Variants in PIGL observed in about 807,000 individuals in gnomAD.
The protein encoded by PIGL is phosphatidylinositol glycan anchor biosynthesis class L.
PIGL carries 22 observed loss-of-function variants against 31.1 expected under a neutral mutation model. That is an observed-to-expected ratio of 0.71 (90% CI 0.51 to 1.01). PIGL has a LOEUF of 1.01. Among genes scored for constraint, PIGL ranks in the 50% least tolerant of loss-of-function variants. PIGL has a pLI of 0.00. For synonymous variants in PIGL, 131 were observed against 117.4 expected, an observed-to-expected ratio of 1.12 and a Z score of -0.75; for missense variants, 302 against 315.9, an observed-to-expected ratio of 0.96 and a Z score of 0.33.
intron 6 of PIGL, among the ~76,000 whole-genome samples, chr17:16,325,501 G>A (rs915083906): frequency 3.3e-5 from 5 of 152,064 alleles, no homozygotes; most frequent in African/African-American, 1.2e-4. Context: ...TCACAGGGTT[G>A]TTAACATTGA....
intron 4 of PIGL, 80 bp from the exon 5 acceptor site, chr17:16,316,601 C>G: frequency 7.1e-7 from 1 of 1,410,534 alleles, no homozygotes; most frequent in Non-Finnish European, 9.7e-7. Context: ...GCATGGCAGC[C>G]TTTCCTCTGA....
intron 3 of PIGL, among the ~76,000 whole-genome samples, chr17:16,308,692 G>C (rs766600596): frequency 1.4e-4 from 21 of 151,406 alleles, no homozygotes; most frequent in Non-Finnish European, 2.7e-4. Context: ...CAGTAACATA[G>C]TGAGACCTTG....
intron 2 of PIGL, among the ~76,000 whole-genome samples, chr17:16,280,494 CTT>C (rs765594819): frequency 1.3e-5 from 2 of 152,090 alleles, no homozygotes; most frequent in Non-Finnish European, 2.9e-5. Context: ...TTCTAACAGA[CTT>C]TATTTTTTAG....
intron 2 of PIGL, among the ~76,000 whole-genome samples, chr17:16,254,492 T>A (rs1181035007): frequency 6.6e-6 from 1 of 152,210 alleles, no homozygotes; most frequent in Non-Finnish European, 1.5e-5. Context: ...GGTCTCGAAC[T>A]CGCGACCTCA....
At chr17:16,317,327 G>C in intron 5 of PIGL, 1 of 982,666 alleles carries the variant, frequency 1.0e-6, no homozygotes, top group Non-Finnish European at 1.2e-6. Context: ...TATCAATCCT[G>C]TGAGACAGGC....
intron 2 of PIGL, among the ~76,000 whole-genome samples, chr17:16,269,771 G>A (rs1487935464): frequency 7.3e-6 from 1 of 137,600 alleles, no homozygotes; most frequent in African/African-American, 2.6e-5. Flanking sequence ...TTTTTTTTTT[G>A]AACTCCCCAG....
At chr17:16,249,553 C>T (rs934454662) in intron 2 of PIGL, among the ~76,000 whole-genome samples, 6 of 152,078 alleles carry the variant, frequency 3.9e-5, no homozygotes, top group African/African-American at 7.2e-5. Flanking sequence ...GGAGTTGGCC[C>T]GTGATTATGG....
At chr17:16,260,214 G>A (rs1190714389) in intron 2 of PIGL, among the ~76,000 whole-genome samples, 1 of 152,246 alleles carries the variant, frequency 6.6e-6, no homozygotes, top group Non-Finnish European at 1.5e-5. Context: ...ATTGATGGCA[G>A]CAGGAGGCAG....
At chr17:16,287,941 T>A (rs1374885045) in intron 2 of PIGL, among the ~76,000 whole-genome samples, 1 of 152,320 alleles carries the variant, frequency 6.6e-6, no homozygotes, top group East Asian at 1.9e-4. Context: ...TTTCCTTAGG[T>A]TAGATTTCTA....
chr17:16,318,491 G>A (rs1332459260), intron 6 of PIGL, among the ~76,000 whole-genome samples: 22 of 151,660 alleles, frequency 1.5e-4, no homozygotes, highest in Admixed American at 6.6e-5. Context: ...GGCTTGTCTC[G>A]ACCTCCTGAC....
chr17:16,223,875 T>C (rs1168955190), intron 1 of PIGL, among the ~76,000 whole-genome samples: 1 of 152,128 alleles, frequency 6.6e-6, no homozygotes, highest in Non-Finnish European at 1.5e-5. Flanking sequence ...TTCTGGTCTA[T>C]ACACTTTAGT....
intron 1 of PIGL, among the ~76,000 whole-genome samples, chr17:16,225,946 C>A (rs998322198): frequency 6.6e-6 from 1 of 150,790 alleles, no homozygotes; most frequent in African/African-American, 2.4e-5. Context: ...TTTCTGAGGC[C>A]GAAGCAGGAG....
chr17:16,268,784 T>C (rs532772612), intron 2 of PIGL, among the ~76,000 whole-genome samples: 1 of 151,788 alleles, frequency 6.6e-6, no homozygotes, highest in South Asian at 2.1e-4. Context: ...TTTTTTTAGA[T>C]GGGAGTCTTG....
At chr17:16,221,482 C>T (rs2092628796) in intron 1 of PIGL, among the ~76,000 whole-genome samples, 1 of 147,386 alleles carries the variant, frequency 6.8e-6, no homozygotes, top group Admixed American at 6.9e-5. Context: ...GACGGAGTCT[C>T]ACTGTCGCCC....
Position 16,325,889 on chromosome 17 carries a change from C to G in PIGL, c.750C>G (p.Ser250Arg). The G allele has an allele frequency of 6.2e-7, 1 of 1,611,416 alleles. No homozygotes were observed. Among genetic ancestry groups the G allele is most frequent in the Non-Finnish European group, 8.5e-7 (1 of 1,177,526 alleles). The change falls in exon 7 of 7, where the codon AGC (serine) becomes AGG (arginine). Residue 250 changes from serine (S) to arginine (R), a missense_variant. Coordinates refer to ENST00000225609, the MANE Select transcript of PIGL (RefSeq NM_004278.4). ...GGTACATGAGAATCAACTCACTGAG[C>G]TTCCTCTGAAGCCTTGAAGGGTTTT... ...FSRYMRINSL[S>R]FL
At chr17:16,258,079 G>GAGAGAGAGAGAGAGAGAGAA (rs2092802455) in intron 2 of PIGL, among the ~76,000 whole-genome samples, 2 of 127,768 alleles carry the variant, frequency 1.6e-5, no homozygotes, top group African/African-American at 6.1e-5. Context: ...AAGAGAGAGA[G>GAGAGAGAGAGAGAGAGAGAA]AGAGAGAGAG....
chr17:16,220,332 G>A (rs1441232286), intron 1 of PIGL, among the ~76,000 whole-genome samples: 1 of 151,894 alleles, frequency 6.6e-6, no homozygotes, highest in African/African-American at 2.4e-5. Flanking sequence ...TGGCAACAGA[G>A]GGAGACTCCG....
intron 1 of PIGL, among the ~76,000 whole-genome samples, chr17:16,224,572 T>G (rs1351507179): frequency 6.6e-6 from 1 of 152,136 alleles, no homozygotes; most frequent in African/African-American, 2.4e-5. Flanking sequence ...CCTCCCAAAG[T>G]GCTGGGATTA....
At chr17:16,294,114 G>C (rs2092971717) in intron 2 of PIGL, among the ~76,000 whole-genome samples, 1 of 152,214 alleles carries the variant, frequency 6.6e-6, no homozygotes, top group Admixed American at 6.5e-5. Context: ...CTGATAGTGG[G>C]TGAGATCAAT....
Sources: gnomAD v4.1 joint callset for allele counts (sites outside exome capture counted in the v4.1 genomes callset) on GRCh38, gnomAD v4.1.1 for gene constraint, MANE v1.5 for transcripts, NCBI Gene and HGNC (gene_info 2026-07-23, HGNC 2026-07-21) for gene names.